The following DSCAML1 variants were observed in gnomAD, a reference collection of about 807,000 sequenced individuals.
The protein encoded by DSCAML1 is cell adhesion molecule DSCAML1.
DSCAML1 carries 38 observed loss-of-function variants against 200.5 expected under a neutral mutation model. The observed-to-expected ratio is 0.19, with a 90% CI of 0.15 to 0.25. DSCAML1 has a LOEUF of 0.25. DSCAML1 is among the 10% of genes least tolerant of loss of function. DSCAML1 has a pLI of 1.00. For synonymous variants in DSCAML1, 1,215 were observed against 1,165.0 expected, an observed-to-expected ratio of 1.04 and a Z score of -0.87; for missense variants, 2,223 against 2,858.8, an observed-to-expected ratio of 0.78 and a Z score of 5.07.
At chr11:117,651,379 G>A (rs1401924557) in intron 3 of DSCAML1, among the ~76,000 whole-genome samples, 1 of 152,188 alleles carries the variant, frequency 6.6e-6, no homozygotes, top group Non-Finnish European at 1.5e-5. Flanking sequence ...CAGCTCCTGA[G>A]CCCTGGCTAC....
At chr11:117,744,470 T>C (rs1292611364) in intron 3 of DSCAML1, among the ~76,000 whole-genome samples, 1 of 152,224 alleles carries the variant, frequency 6.6e-6, no homozygotes, top group Non-Finnish European at 1.5e-5. Flanking sequence ...TCAGTCTCTC[T>C]CCCTTTCACT....
intron 3 of DSCAML1, among the ~76,000 whole-genome samples, chr11:117,669,142 G>A (rs1006186892): frequency 2.6e-5 from 4 of 152,178 alleles, no homozygotes; most frequent in African/African-American, 7.2e-5. Flanking sequence ...ATGCAAATCC[G>A]ACAATTACAG....
chr11:117,627,752 G>A (rs1242021147), intron 3 of DSCAML1, among the ~76,000 whole-genome samples: 2 of 152,144 alleles, frequency 1.3e-5, no homozygotes, highest in Non-Finnish European at 1.5e-5. Flanking sequence ...GGGAGACTGA[G>A]GCTGAATGCG....
chr11:117,616,122 C>T (rs908034195), intron 3 of DSCAML1, among the ~76,000 whole-genome samples: 7 of 152,126 alleles, frequency 4.6e-5, no homozygotes, highest in East Asian at 1.9e-4. Context: ...ATCATCAGTC[C>T]GATTGGCCAT....
rs574644867 is a variant in DSCAML1, at chr11:117,631,955, C to T, written c.512-99433G>A. On this transcript the variant is annotated intron_variant, in intron 3 of 32. Coordinates refer to ENST00000651296, the MANE Select transcript of DSCAML1 (RefSeq NM_020693.4). ...AGAGAAGGAGGAGGTCTTAGAGGAG[C>T]GGCAAAGCCTCTCTCTTGCAGATAA... 2.0e-4 allele frequency among the ~76,000 whole-genome samples: 31 copies of T among 152,298 alleles called. 1 individual carries two copies. In the South Asian group the frequency reaches 5.0e-3, roughly 24 times the overall value.
intron 20 of DSCAML1, among the ~76,000 whole-genome samples, chr11:117,444,867 T>G (rs2048144836): frequency 6.6e-6 from 1 of 152,126 alleles, no homozygotes; most frequent in Non-Finnish European, 1.5e-5. Flanking sequence ...ACGGGCGGGA[T>G]GGGGCTGACT....
intron 8 of DSCAML1, among the ~76,000 whole-genome samples, chr11:117,515,540 G>A (rs1377382800): frequency 2.6e-5 from 4 of 150,954 alleles, no homozygotes; most frequent in South Asian, 2.1e-4. Context: ...CTTAGTGAGC[G>A]GCTACCCAGG....
intron 3 of DSCAML1, among the ~76,000 whole-genome samples, chr11:117,637,378 C>T (rs1028686259): frequency 3.4e-5 from 5 of 145,986 alleles, no homozygotes; most frequent in African/African-American, 1.3e-4. Context: ...CGGAGTCTTG[C>T]TCTGTCACCC....
chr11:117,598,719 G>T (rs2051408579), intron 3 of DSCAML1, among the ~76,000 whole-genome samples: 1 of 152,176 alleles, frequency 6.6e-6, no homozygotes, highest in Admixed American at 6.5e-5. Flanking sequence ...GGGAAAAAGG[G>T]AGCAGGGAGG....
intron 3 of DSCAML1, among the ~76,000 whole-genome samples, chr11:117,646,833 AG>A (rs2052530764): frequency 7.2e-6 from 1 of 139,030 alleles, no homozygotes; most frequent in Non-Finnish European, 1.6e-5. Flanking sequence ...AGTTCAAAAG[AG>A]GTCTCCTAGA....
At chr11:117,813,558 T>C (rs915462445) in intron 1 of DSCAML1, among the ~76,000 whole-genome samples, 8 of 152,266 alleles carry the variant, frequency 5.3e-5, no homozygotes, top group African/African-American at 1.9e-4. Context: ...TTAAATGTCC[T>C]AGGTCCTCCC....
chr11:117,625,142 C>T (rs1211889736), intron 3 of DSCAML1, among the ~76,000 whole-genome samples: 1 of 152,040 alleles, frequency 6.6e-6, no homozygotes, highest in Non-Finnish European at 1.5e-5. Context: ...GTCTCTACCT[C>T]TCCCACCCCA....
intron 3 of DSCAML1, among the ~76,000 whole-genome samples, chr11:117,752,980 A>G (rs928807340): frequency 6.6e-6 from 1 of 152,082 alleles, no homozygotes; most frequent in Non-Finnish European, 1.5e-5. Flanking sequence ...TGGCCCCAGG[A>G]TGGTGGCAGG....
At chr11:117,797,218 C>T, upstream of DSCAML1, 4 of 1,488,810 alleles carry the variant, frequency 2.7e-6, no homozygotes, top group South Asian at 1.3e-5. Context: ...CGCTCGGCTG[C>T]GGCGGCGGCT....
At position 117,430,913 on chromosome 11, in the gene DSCAML1, G is replaced by A. The variant is rs2047775775; in HGVS notation, c.5495C>T (p.Thr1832Ile). ...GGAACTGTCAGAGATGAAGCACTCG[G>A]TGATCTCAAACTTGGCGTGCTGCAG... ...EQLQHAKFEI[T>I]ECFISDSSSD... Residue 1832 changes from threonine to isoleucine, a missense_variant, in exon 32 of 33, where the codon ACC (threonine) becomes ATC (isoleucine). Physicochemically the swap from Thr to Ile is moderately conservative, Grantham distance 89. Transcript: ENST00000651296. 6 of 1,614,206 alleles carry A rather than the reference G, an allele frequency of 3.7e-6. No homozygotes were observed. The highest frequency in any genetic ancestry group is 5.1e-6 in the Non-Finnish European group (6 of 1,180,040).
rs774757490 is a variant in DSCAML1, at chr11:117,438,014, C to T, written c.4313G>A (p.Arg1438His). 9.9e-6 allele frequency: 16 copies of T among 1,614,094 alleles called. No homozygotes were observed. The highest frequency in any genetic ancestry group is 9.9e-5 in the South Asian group (9 of 91,078). Reference protein sequence around the residue: ...WKDVFISSSERSFKLDSLKCG... With the variant: ...WKDVFISSSEHSFKLDSLKCG... ...CTTGAGGCTGTCCAGCTTGAAGGAGCGCTCGCTGGAGCTGATGAACACATC... is the reference window on the plus strand; with the variant it reads ...CTTGAGGCTGTCCAGCTTGAAGGAGTGCTCGCTGGAGCTGATGAACACATC... Residue 1438 changes from arginine (R) to histidine (H), a missense_variant, in exon 25 of 33, where the codon CGC (arginine) becomes CAC (histidine). Around this residue, in one of 7 missense-constraint regions of DSCAML1, gnomAD observed 614 missense variants for 739.1 expected, o/e 0.83. Transcript: ENST00000651296.
chr11:117,729,584 A>G (rs756919805), intron 3 of DSCAML1, among the ~76,000 whole-genome samples: 5 of 152,234 alleles, frequency 3.3e-5, no homozygotes, highest in Non-Finnish European at 7.3e-5. Context: ...TAATAAAAGG[A>G]CAACTCAATT....
At chr11:117,557,750 G>C (rs2050585279) in intron 3 of DSCAML1, among the ~76,000 whole-genome samples, 1 of 152,182 alleles carries the variant, frequency 6.6e-6, no homozygotes, top group South Asian at 2.1e-4. Flanking sequence ...AACAAAGCAA[G>C]GGAGCAGGGA....
intron 2 of DSCAML1, among the ~76,000 whole-genome samples, chr11:117,778,418 T>A (rs933854309): frequency 4.6e-5 from 7 of 152,210 alleles, no homozygotes; most frequent in Non-Finnish European, 1.0e-4. Flanking sequence ...GGTTAATGGC[T>A]AACGGCATCT....
Sources: allele counts gnomAD v4.1 joint callset (sites outside exome capture counted in the v4.1 genomes callset), GRCh38; gene constraint gnomAD v4.1.1; regional missense constraint gnomAD v4.1.1; transcripts MANE v1.5; gene names NCBI Gene and HGNC (gene_info 2026-07-23, HGNC 2026-07-21).